Variants in ZNF853 observed in about 807,000 individuals in gnomAD.
ZNF853 encodes zinc finger protein 853.
In ZNF853, 57 loss-of-function variants were observed where a neutral mutation model predicts 94.7. The observed-to-expected ratio is 0.60, with a 90% confidence interval of 0.49 to 0.75. ZNF853 has a LOEUF of 0.75. ZNF853 is among the 30% of genes least tolerant of loss of function. The pLI is 0.00. For missense variants in ZNF853, 785 were observed against 868.9 expected, an observed-to-expected ratio of 0.90 and a Z score of 1.21; for synonymous variants, 448 against 406.3, an observed-to-expected ratio of 1.10 and a Z score of -1.23.
chr7:6,616,096 CGGCTGCACGCCGT>C lies in ZNF853; in HGVS notation c.-75_-63del. 6.9e-7 allele frequency: 1 copy of C among 1,442,500 alleles called. No individual in the cohort carries two copies. Among genetic ancestry groups the C allele is most frequent in the South Asian group, 1.2e-5 (1 of 80,340 alleles). 89.4% of individuals were successfully genotyped at this position (1,442,500 alleles called of 1,614,324 possible). ...GGATGGAGGCGCCTCCGGAAGGAGC[CGGCTGCACGCCGT>C]GGCCTTCACCTCGCAGCCTCTGCTG... On this transcript the variant is annotated 5_prime_UTR_variant, in exon 1 of 3. It removes the in-frame stop codon of an upstream open reading frame in the 5' UTR. Coordinates refer to ENST00000457543, the MANE Select transcript of ZNF853 (RefSeq NM_017560.3).
chr7:6,622,609 C>T lies in ZNF853; in HGVS notation c.1618C>T (p.Pro540Ser), dbSNP rs767338608. 29 of 1,581,282 alleles carry T rather than the reference C, an allele frequency of 1.8e-5. No individual in the cohort carries two copies. The highest frequency in any genetic ancestry group is 2.4e-5 in the Non-Finnish European group (28 of 1,164,656). Residue 540 changes from proline (P) to serine (S), a missense_variant, in exon 3 of 3, where the codon CCC (proline) becomes TCC (serine). Physicochemically the swap from Pro to Ser is moderately conservative, Grantham distance 74. Transcript: ENST00000457543. The stretch of plus-strand genomic sequence containing the variant: ...CCAACGCATCCACACGGGCGAGAAA[C>T]CCTACGCCTGCTCCTACTGCGCCAA... Reference protein sequence around the residue: ...THQRIHTGEKPYACSYCAKRF... With the variant: ...THQRIHTGEKSYACSYCAKRF...
intron 2 of ZNF853, among the ~76,000 whole-genome samples, chr7:6,619,032 A>ATTTTTTTTTTTTTTTTTTTT: frequency 1.2e-5 from 1 of 86,874 alleles, no homozygotes. Flanking sequence ...CCCTTGGTGG[A>ATTTTTTTTTTTTTTTTTTTT]TTTTTTTTTT....
intron 2 of ZNF853, among the ~76,000 whole-genome samples, chr7:6,619,682 G>A: frequency 6.6e-6 from 1 of 152,296 alleles, no homozygotes; most frequent in Non-Finnish European, 1.5e-5. Context: ...GATGTTATAG[G>A]GAGAAGAGAT....
chr7:6,620,406 C>T lies in ZNF853; in HGVS notation c.131-716C>T. Among the ~76,000 whole-genome samples the T allele has an allele frequency of 3.6e-3, 548 of 152,202 alleles. 1 individual carries two copies. Among genetic ancestry groups the T allele is most frequent in the Non-Finnish European group, 6.2e-3 (422 of 68,030 alleles). On this transcript the variant is annotated intron_variant, in intron 2 of 2. Coordinates refer to ENST00000457543, the MANE Select transcript of ZNF853 (RefSeq NM_017560.3). Reference sequence around the variant, plus strand: ...TGGTTTCTACTGGAGGGTGATTAAGCGCAAGAGACTTCTCAGGATGGTCAG... The same window carrying T: ...TGGTTTCTACTGGAGGGTGATTAAGTGCAAGAGACTTCTCAGGATGGTCAG...
rs756097608 is a variant in ZNF853, at chr7:6,622,196, T to TGGAGCTGACCCCCGTGCAGCC, written c.1213_1233dup (p.Thr405_Leu411dup). 4.7e-4 allele frequency: 730 copies of TGGAGCTGACCCCCGTGCAGCC among 1,539,180 alleles called. No homozygotes were observed. Among genetic ancestry groups the TGGAGCTGACCCCCGTGCAGCC allele is most frequent in the Non-Finnish European group, 6.1e-4 (700 of 1,146,426 alleles). On this transcript the variant is annotated inframe_insertion, in exon 3 of 3. Coordinates refer to ENST00000457543, the MANE Select transcript of ZNF853 (RefSeq NM_017560.3). Reference sequence around the variant, plus strand: ...GGCGCCCAGCAGCAGGAGGTGCAGCTGGAGCTGACCCCCGTGCAGCCGGAG... The same window carrying TGGAGCTGACCCCCGTGCAGCC: ...GGCGCCCAGCAGCAGGAGGTGCAGCTGGAGCTGACCCCCGTGCAGCCGGAGCTGACCCCCGTGCAGCCGGAG...
At position 6,617,213 on chromosome 7, in the gene ZNF853, G is replaced by C. The variant is rs766089814; in HGVS notation, c.36G>C (p.Leu12=). Residue 12 remains leucine, a synonymous_variant, in exon 2 of 3, where the codon CTG becomes CTC. Transcript: ENST00000457543. ...AGCCGACTCCCGGGAATCGGGGTCTGACCGCCAGGATGGAAGTGGGGCCAG... is the reference window on the plus strand; with the variant it reads ...AGCCGACTCCCGGGAATCGGGGTCTCACCGCCAGGATGGAAGTGGGGCCAG... ...LHQPTPGNRG[L]TARMEVGPAT... is the part of the protein sequence containing the mutation. 9 of 1,539,202 alleles carry C rather than the reference G, an allele frequency of 5.8e-6. No homozygotes were observed. In the African/African-American group the frequency reaches 9.7e-5, roughly 17 times the overall value.
In ZNF853 at chr7:6,622,085, TGCAGCAGCTGGAGCAACAGCTGGAGCA is replaced by T; in HGVS notation, c.1103_1129del (p.Leu368_Gln376del). On this transcript the variant is annotated inframe_deletion, in exon 3 of 3. Coordinates refer to ENST00000457543, the MANE Select transcript of ZNF853 (RefSeq NM_017560.3). ...CTGCAGCTCAAACTGCAGGAGGAGC[TGCAGCAGCTGGAGCAACAGCTGGAGCA>T]GCAGCAGCAGCAGCTGGAGCAGCAG... The T allele has an allele frequency of 1.3e-6, 2 of 1,544,934 alleles. No individual in the cohort carries two copies. The highest frequency in any genetic ancestry group is 2.2e-4 in the Middle Eastern group (1 of 4,510).
chr7:6,619,807 A>T, intron 2 of ZNF853, among the ~76,000 whole-genome samples: 1 of 152,166 alleles, frequency 6.6e-6, no homozygotes, highest in Non-Finnish European at 1.5e-5. Flanking sequence ...CATGGTGTAC[A>T]CGGTGCGGAA....
In ZNF853 at chr7:6,615,832, C is replaced by G. The variant is rs1782492853; in HGVS notation, c.-343C>G. 1 of 174,838 alleles carries G rather than the reference C, an allele frequency of 5.7e-6. No individual in the cohort carries two copies. Among genetic ancestry groups the G allele is most frequent in the Admixed American group, 6.3e-5 (1 of 15,754 alleles). The allele number at this position is 174,838 out of a possible 1,614,324, so 10.8% of individuals were successfully genotyped here. On this transcript the variant is annotated 5_prime_UTR_variant, in exon 1 of 3. Transcript: ENST00000457543. This position sits in a 1 kb window ranked among gnomAD's most constrained non-coding sequence, Gnocchi z 8.5. ...GCCACCCCGTGGTGCCGACCCCGGG[C>G]GCCGGCCTGGATCCCGCTGCCCGCG...
Position 6,620,997 on chromosome 7 carries a change from T to A in ZNF853, c.131-125T>A. 63 of 1,241,012 alleles carry A rather than the reference T, an allele frequency of 5.1e-5. No individual in the cohort carries two copies. In the East Asian group the frequency reaches 1.7e-3, roughly 33 times the overall value. The allele number at this position is 1,241,012 out of a possible 1,614,324, so 76.9% of individuals were successfully genotyped here. Reference sequence around the variant, plus strand: ...GCTATTGTTACTCGATCCAGCACTTTCGGGCTCCTGCTAAGAGCGTGTTAG... The same window carrying A: ...GCTATTGTTACTCGATCCAGCACTTACGGGCTCCTGCTAAGAGCGTGTTAG... On this transcript the variant is annotated intron_variant, in intron 2 of 2. Transcript: ENST00000457543.
chr7:6,616,632 G>T, intron 1 of ZNF853, among the ~76,000 whole-genome samples: 1 of 152,072 alleles, frequency 6.6e-6, no homozygotes. Flanking sequence ...CTACTCAGGA[G>T]GCGGAGGCAG....
rs1320178989 is a variant in ZNF853, at chr7:6,621,788, T to C, written c.797T>C (p.Leu266Pro). The change falls in exon 3 of 3, where the codon CTG becomes CCG. Residue 266 changes from leucine (L) to proline (P), a missense_variant. Physicochemically the swap from Leu to Pro is moderately conservative, Grantham distance 98 (BLOSUM62 -3). Coordinates refer to ENST00000457543, the MANE Select transcript of ZNF853 (RefSeq NM_017560.3). Reference protein sequence around the residue: ...QQQQAQLQQQLLEQQQAQLQQ... With the variant: ...QQQQAQLQQQPLEQQQAQLQQ... ...CAGCAGGCACAGTTACAACAGCAGC[T>C]GCTGGAACAGCAGCAGGCACAGTTA... is the stretch of plus-strand genomic sequence containing the variant. 7 of 1,549,246 alleles carry C rather than the reference T, an allele frequency of 4.5e-6. No homozygotes were observed. The highest frequency in any genetic ancestry group is 6.1e-6 in the Non-Finnish European group (7 of 1,146,626).
At chr7:6,619,680 A>G in intron 2 of ZNF853, among the ~76,000 whole-genome samples, 1 of 152,246 alleles carries the variant, frequency 6.6e-6, no homozygotes, top group African/African-American at 2.4e-5. Flanking sequence ...ATGATGTTAT[A>G]GGGAGAAGAG....
Position 6,622,771 on chromosome 7 carries a change from G to A in ZNF853, c.1780G>A (p.Glu594Lys). Residue 594 changes from glutamate to lysine, a missense_variant, in exon 3 of 3, where the codon GAG becomes AAG. Transcript: ENST00000457543. ...GCGCCACCGGCGCACGCACTCGGGC[G>A]AGCGGCCCTACGTGTGCGAGGACTG... Reference protein sequence around the residue: ...LLRHRRTHSGERPYVCEDCGE... With the variant: ...LLRHRRTHSGKRPYVCEDCGE... 6.5e-7 allele frequency: 1 copy of A among 1,544,438 alleles called. No individual in the cohort carries two copies. The highest frequency in any genetic ancestry group is 8.7e-7 in the Non-Finnish European group (1 of 1,148,254).
In ZNF853 at chr7:6,623,301, G is replaced by T. The variant is rs1782680697; in HGVS notation, c.*330G>T. ...TACTACGAACGAGGAAAAACCCCCA[G>T]TGGCGAGACGATTAATGACACTGGC... is the stretch of plus-strand genomic sequence containing the variant. On this transcript the variant is annotated 3_prime_UTR_variant, in exon 3 of 3. Transcript: ENST00000457543. The T allele has an allele frequency of 2.5e-6, 1 of 398,486 alleles. No homozygotes were observed. The highest frequency in any genetic ancestry group is 2.1e-5 in the African/African-American group (1 of 48,606). 24.7% of individuals were successfully genotyped at this position (398,486 alleles called of 1,614,324 possible).
At position 6,621,293 on chromosome 7, in the gene ZNF853, A is replaced by G. The variant is rs1782595348; in HGVS notation, c.302A>G (p.Gln101Arg). 1 of 1,550,948 alleles carries G rather than the reference A, an allele frequency of 6.4e-7. No homozygotes were observed. Among genetic ancestry groups the G allele is most frequent in the African/African-American group, 1.4e-5 (1 of 73,028 alleles). The change falls in exon 3 of 3, where the codon CAG becomes CGG. Residue 101 changes from glutamine to arginine, a missense_variant. By Grantham distance (43) the Gln-to-Arg change is conservative. Transcript: ENST00000457543. ...CAGTTAGAACAGCAGCCCGAGCCGC[A>G]GCAACAGCCGCAACACGAGCAGCTG... ...LQQLEQQPEP[Q>R]QQPQHEQLQQ... is the part of the protein sequence containing the mutation.
rs748872045 is a variant in ZNF853, at chr7:6,621,696, ACAGCAG to A, written c.716_721del (p.Gln239_Gln240del). On this transcript the variant is annotated inframe_deletion, in exon 3 of 3. Coordinates refer to ENST00000457543, the MANE Select transcript of ZNF853 (RefSeq NM_017560.3). Reference sequence around the variant, plus strand: ...AGTTTCAACAGCAGCAGGAACAGTTACAGCAGCAGCAGCAGCTACTATTGCTGCAGC... The same window carrying A: ...AGTTTCAACAGCAGCAGGAACAGTTACAGCAGCAGCTACTATTGCTGCAGC... The A allele has an allele frequency of 9.0e-6, 14 of 1,551,278 alleles. 1 individual carries two copies. In the South Asian group the frequency reaches 1.5e-4, roughly 17 times the overall value.
intron 2 of ZNF853, 27 bp from the exon 3 acceptor site, chr7:6,621,095 C>T: frequency 1.4e-6 from 2 of 1,462,188 alleles, no homozygotes; most frequent in Non-Finnish European, 1.8e-6. Context: ...ATCTTTCTCT[C>T]TTGGCTTCCT....
Position 6,621,538 on chromosome 7 carries a change from C to G in ZNF853, c.547C>G (p.Gln183Glu). The G allele has an allele frequency of 2.6e-6, 4 of 1,551,622 alleles. No individual in the cohort carries two copies. The highest frequency in any genetic ancestry group is 3.5e-6 in the Non-Finnish European group (4 of 1,146,950). ...QQEQLQTQQA[Q>E]EQQVLQQQEQ... ...GGAGCAGTTACAGACGCAGCAAGCACAAGAGCAACAGGTATTGCAGCAGCA... is the reference window on the plus strand; with the variant it reads ...GGAGCAGTTACAGACGCAGCAAGCAGAAGAGCAACAGGTATTGCAGCAGCA... Residue 183 changes from glutamine (Q) to glutamate (E), a missense_variant, in exon 3 of 3, where the codon CAA (glutamine) becomes GAA (glutamate). Coordinates refer to ENST00000457543, the MANE Select transcript of ZNF853 (RefSeq NM_017560.3).
Sources: allele counts gnomAD v4.1 joint callset (sites outside exome capture counted in the v4.1 genomes callset), GRCh38; gene constraint gnomAD v4.1.1; non-coding constraint Gnocchi (gnomAD v3.1); transcripts MANE v1.5; gene names NCBI Gene and HGNC (gene_info 2026-07-23, HGNC 2026-07-21).